Variants in DYNC1I1 observed in about 807,000 individuals in gnomAD.
DYNC1I1 encodes the protein cytoplasmic dynein 1 intermediate chain 1.
A neutral mutation model predicts 86.6 loss-of-function variants in DYNC1I1; 43 were observed. The ratio of observed to expected loss-of-function variants is 0.50; its 90% CI spans 0.39 to 0.64. DYNC1I1 has a LOEUF of 0.64. Among genes scored for constraint, DYNC1I1 ranks in the 30% least tolerant of loss-of-function variants. DYNC1I1 has a pLI of 0.00. For synonymous variants in DYNC1I1, 262 were observed against 283.7 expected (o/e 0.92, Z 0.77); for missense variants, 604 against 788.8 (o/e 0.77, Z 2.81).
chr7:96,065,402 G>GTTTTTTTT, intron 14 of DYNC1I1, among the ~76,000 whole-genome samples: 1 of 136,034 alleles, frequency 7.4e-6, no homozygotes, highest in Non-Finnish European at 1.5e-5. Flanking sequence ...TTTTGAGACA[G>GTTTTTTTT]GGTCTCTCTC....
intron 6 of DYNC1I1, among the ~76,000 whole-genome samples, chr7:95,897,773 G>A (rs1790924951): frequency 6.7e-6 from 1 of 149,284 alleles, no homozygotes; most frequent in South Asian, 2.1e-4. Context: ...GCTTTCAGTA[G>A]CGTGTCATTT....
intron 6 of DYNC1I1, among the ~76,000 whole-genome samples, chr7:95,919,628 T>C (rs1791560870): frequency 1.3e-5 from 2 of 152,208 alleles, no homozygotes; most frequent in Admixed American, 1.3e-4. Context: ...AACTAAGATG[T>C]CCTCTCTGTG....
At chr7:95,918,782 A>G (rs1225171438) in intron 6 of DYNC1I1, among the ~76,000 whole-genome samples, 1 of 152,202 alleles carries the variant, frequency 6.6e-6, no homozygotes, top group Non-Finnish European at 1.5e-5. Flanking sequence ...GAAATTCTTC[A>G]TTGTTAGAAC....
Position 95,951,946 on chromosome 7 carries a change from G to A in DYNC1I1, c.491-25566G>A, listed in dbSNP as rs188314645. 2.1e-3 allele frequency among the ~76,000 whole-genome samples: 322 copies of A among 152,040 alleles called. 3 individuals are homozygous for A. The highest frequency in any genetic ancestry group is 7.4e-3 in the African/African-American group (305 of 41,474). On this transcript the variant is annotated intron_variant, in intron 6 of 16. Transcript: ENST00000447467. ...GAACATATTCCTTTTAATCTCTATC[G>A]GAATCATGTATGTTTCATTATTTGC...
intron 6 of DYNC1I1, among the ~76,000 whole-genome samples, chr7:95,884,093 C>T (rs758312917): frequency 2.3e-4 from 35 of 152,144 alleles, no homozygotes; most frequent in Non-Finnish European, 4.4e-4. Context: ...GCAGGGAAGT[C>T]GTCTTGACCC....
chr7:96,084,247 C>T (rs1159966008), intron 16 of DYNC1I1, among the ~76,000 whole-genome samples: 1 of 150,138 alleles, frequency 6.7e-6, no homozygotes, highest in Admixed American at 6.6e-5. Context: ...TTTCATTTTT[C>T]ACTGAACCCT....
At chr7:96,055,938 G>A (rs1246496040) in intron 14 of DYNC1I1, 1 of 152,128 alleles carries the variant, frequency 6.6e-6, no homozygotes, top group African/African-American at 2.4e-5. Flanking sequence ...CTAAGCCCAA[G>A]GCAAAAGTAA....
chr7:95,868,745 A>T (rs138351486), intron 5 of DYNC1I1, among the ~76,000 whole-genome samples: 25 of 152,312 alleles, frequency 1.6e-4, no homozygotes, highest in African/African-American at 5.3e-4. Flanking sequence ...CATATGCATT[A>T]TGTGTATGTG....
At chr7:96,108,108 TAA>T (rs1791247509) in intron 16 of DYNC1I1, among the ~76,000 whole-genome samples, 1 of 152,194 alleles carries the variant, frequency 6.6e-6, no homozygotes, top group Admixed American at 6.5e-5. Flanking sequence ...CTTTATCAGG[TAA>T]AGTTTCCTTT....
intron 14 of DYNC1I1, among the ~76,000 whole-genome samples, chr7:96,063,964 T>C (rs1789874131): frequency 6.6e-6 from 1 of 152,192 alleles, no homozygotes; most frequent in Admixed American, 6.5e-5. Flanking sequence ...CCCATGGATG[T>C]CGAGGGAAAG....
chr7:95,997,371 A>G (rs1478585644), intron 10 of DYNC1I1, among the ~76,000 whole-genome samples: 1 of 152,082 alleles, frequency 6.6e-6, no homozygotes, highest in African/African-American at 2.4e-5. Context: ...TTTTTGAAAA[A>G]CAGTGCCTTT....
At chr7:96,093,778 T>C (rs899025812) in intron 16 of DYNC1I1, among the ~76,000 whole-genome samples, 1 of 152,142 alleles carries the variant, frequency 6.6e-6, no homozygotes, top group Non-Finnish European at 1.5e-5. Context: ...TTTTTTTTAA[T>C]GGTGTTCCCT....
chr7:96,092,969 G>T (rs1790891730), intron 16 of DYNC1I1, among the ~76,000 whole-genome samples: 1 of 152,064 alleles, frequency 6.6e-6, no homozygotes, highest in South Asian at 2.1e-4. Flanking sequence ...ACAGGTGAAG[G>T]TTATGTGGTC....
At chr7:96,088,160 A>G (rs1790740020) in intron 16 of DYNC1I1, among the ~76,000 whole-genome samples, 1 of 152,176 alleles carries the variant, frequency 6.6e-6, no homozygotes, top group Admixed American at 6.5e-5. Context: ...TAGCATTAGT[A>G]TATGAAAATG....
intron 15 of DYNC1I1, among the ~76,000 whole-genome samples, chr7:96,079,858 C>T (rs958313699): frequency 4.6e-5 from 7 of 152,170 alleles, no homozygotes; most frequent in Admixed American, 2.6e-4. Context: ...TCATCTCCTC[C>T]CTGATGAGGT....
chr7:95,999,569 T>C (rs1330278856), intron 10 of DYNC1I1, among the ~76,000 whole-genome samples: 1 of 152,196 alleles, frequency 6.6e-6, no homozygotes, highest in East Asian at 1.9e-4. Flanking sequence ...AGGGTACAGA[T>C]GTCATTGCTG....
At chr7:95,859,290 T>G (rs568750613) in intron 5 of DYNC1I1, among the ~76,000 whole-genome samples, 1 of 152,162 alleles carries the variant, frequency 6.6e-6, no homozygotes, top group Non-Finnish European at 1.5e-5. Flanking sequence ...TTTTGAATTC[T>G]TTGTCAGGCA....
At chr7:95,842,725 A>G (rs1789319976) in intron 5 of DYNC1I1, among the ~76,000 whole-genome samples, 1 of 152,092 alleles carries the variant, frequency 6.6e-6, no homozygotes, top group African/African-American at 2.4e-5. Flanking sequence ...ACATACAGAA[A>G]TCTCTCCACT....
chr7:96,045,977 G>C (rs925096180), intron 14 of DYNC1I1, among the ~76,000 whole-genome samples: 2 of 152,158 alleles, frequency 1.3e-5, no homozygotes, highest in African/African-American at 4.8e-5. Context: ...TTAGCATGAA[G>C]GGAGAGGGAA....
Sources: gnomAD v4.1 joint callset for allele counts (sites outside exome capture counted in the v4.1 genomes callset) on GRCh38, gnomAD v4.1.1 for gene constraint, MANE v1.5 for transcripts, NCBI Gene and HGNC (gene_info 2026-07-23, HGNC 2026-07-21) for gene names.